HEATR5A: variants seen among roughly 807,000 people sequenced by gnomAD.
HEATR5A encodes the protein HEAT repeat containing 5A.
HEATR5A carries 178 observed loss-of-function variants against 218.8 expected under a neutral mutation model. The ratio of observed to expected loss-of-function variants is 0.81; its 90% CI spans 0.72 to 0.92. The LOEUF is 0.92. HEATR5A is among the 40% of genes least tolerant of loss of function. The pLI, the probability that HEATR5A is intolerant of heterozygous loss-of-function variation, is 0.00. For synonymous variants in HEATR5A, 864 were observed against 871.6 expected (o/e 0.99, Z 0.15); for missense variants, 2,420 against 2,418.9 (o/e 1.00, Z -0.01).
chr14:31,400,072 T>A (rs2030813916), intron 3 of HEATR5A, among the ~76,000 whole-genome samples: 1 of 152,222 alleles, frequency 6.6e-6, no homozygotes, highest in South Asian at 2.1e-4. Flanking sequence ...TTTAGGAAGA[T>A]GTTTTGAATC....
chr14:31,336,213 CATACATATATATATATAT>C (rs374968507), intron 22 of HEATR5A, among the ~76,000 whole-genome samples: 3,365 of 90,704 alleles, frequency 0.037, 211 homozygotes, highest in South Asian at 0.074. Flanking sequence ...TATATACATA[CATACATATATATATATAT>C]ATATATATAT....
chr14:31,362,215 T>C (rs1901642196), intron 14 of HEATR5A, among the ~76,000 whole-genome samples: 1 of 152,058 alleles, frequency 6.6e-6, no homozygotes, highest in South Asian at 2.1e-4. Flanking sequence ...ATGATCCATT[T>C]GTCTTAGCCT....
intron 13 of HEATR5A, 22 bp from the exon 14 acceptor site, chr14:31,364,320 TA>T: frequency 3.2e-6 from 4 of 1,230,924 alleles, no homozygotes; most frequent in Non-Finnish European, 4.6e-6. Flanking sequence ...AGAAAAAGTG[TA>T]TCTTAAGTGG....
intron 21 of HEATR5A, among the ~76,000 whole-genome samples, chr14:31,342,217 T>C (rs973806051): frequency 6.6e-6 from 1 of 151,962 alleles, no homozygotes; most frequent in African/African-American, 2.4e-5. Context: ...CAAGACCCTG[T>C]CTCTACAAAA....
At chr14:31,393,961 T>C in intron 6 of HEATR5A, 91 bp downstream of exon 6, 1 of 882,888 alleles carries the variant, frequency 1.1e-6, no homozygotes, top group Non-Finnish European at 1.7e-6. Flanking sequence ...AATTGATTTA[T>C]AACGGGTAGC....
chr14:31,383,104 T>C (rs904373922), intron 10 of HEATR5A, among the ~76,000 whole-genome samples: 1 of 152,112 alleles, frequency 6.6e-6, no homozygotes, highest in Non-Finnish European at 1.5e-5. Context: ...AAGGAGGATG[T>C]AAGTATTTTC....
At chr14:31,352,977 A>AAAATAC (rs1175950257) in intron 16 of HEATR5A, among the ~76,000 whole-genome samples, 1 of 151,728 alleles carries the variant, frequency 6.6e-6, no homozygotes, top group East Asian at 1.9e-4. Flanking sequence ...AATAAAAATA[A>AAAATAC]AAATAAAAAT....
chr14:31,319,589 A>G (rs74043920), intron 25 of HEATR5A, among the ~76,000 whole-genome samples: 611 of 152,332 alleles, frequency 4.0e-3, no homozygotes, highest in African/African-American at 0.014. Flanking sequence ...ACTGCTAGCC[A>G]TCAGAAGTTG....
At chr14:31,376,363 G>C (rs1902228181) in intron 11 of HEATR5A, among the ~76,000 whole-genome samples, 1 of 152,132 alleles carries the variant, frequency 6.6e-6, no homozygotes, top group East Asian at 1.9e-4. Flanking sequence ...AAAGTAAAAA[G>C]TTAGTTGGGT....
intron 13 of HEATR5A, among the ~76,000 whole-genome samples, chr14:31,370,577 C>T (rs547329744): frequency 1.2e-3 from 178 of 152,244 alleles, no homozygotes; most frequent in Middle Eastern, 6.8e-3. Flanking sequence ...TTTAGCATAG[C>T]AATTTCACTA....
chr14:31,345,306 C>T (rs1477471518), intron 19 of HEATR5A, 30 bp from the exon 20 acceptor site: 1 of 1,470,570 alleles, frequency 6.8e-7, no homozygotes, highest in South Asian at 1.2e-5. Context: ...CAATTAAAAA[C>T]ATTACAGCAG....
chr14:31,411,748 G>A lies in HEATR5A; in HGVS notation c.-74-8699C>T, dbSNP rs76968223. Among the ~76,000 whole-genome samples, 492 of 152,144 alleles carry A rather than the reference G, an allele frequency of 3.2e-3. 4 individuals carry two copies. The highest frequency in any genetic ancestry group is 0.011 in the African/African-American group (464 of 41,492). ...CCCTTTTTCTTTTTTTCCCAGCCAG[G>A]AATCTCATAGAATTGGTGTTCTATA... On this transcript the variant is annotated intron_variant, in intron 1 of 35. Coordinates refer to ENST00000543095, the MANE Select transcript of HEATR5A (RefSeq NM_015473.4).
chr14:31,348,469 G>A (rs1566763344), intron 18 of HEATR5A, among the ~76,000 whole-genome samples: 1 of 152,138 alleles, frequency 6.6e-6, no homozygotes, highest in Non-Finnish European at 1.5e-5. Context: ...TGTAGTCCCA[G>A]TCACTCGGGA....
chr14:31,308,092 A>ACCAAAATATAAGAT, intron 29 of HEATR5A, 72 bp from the exon 30 acceptor site: 1 of 1,386,382 alleles, frequency 7.2e-7, no homozygotes, highest in Non-Finnish European at 9.7e-7. Flanking sequence ...AATTAATCTT[A>ACCAAAATATAAGAT]TATTTTGGTA....
At chr14:31,320,363 C>T in intron 25 of HEATR5A, 1 of 903,354 alleles carries the variant, frequency 1.1e-6, no homozygotes, top group Non-Finnish European at 1.9e-6. Flanking sequence ...AATCAAGCTG[C>T]CAAACACCGC....
intron 13 of HEATR5A, among the ~76,000 whole-genome samples, chr14:31,368,559 G>T (rs1901890097): frequency 6.6e-6 from 1 of 151,888 alleles, no homozygotes. Flanking sequence ...TGGAACTGGG[G>T]TCTCACTCTG....
intron 28 of HEATR5A, among the ~76,000 whole-genome samples, chr14:31,310,171 G>A (rs1025702138): frequency 6.6e-5 from 10 of 151,524 alleles, no homozygotes; most frequent in African/African-American, 1.5e-4. Flanking sequence ...GTGTTTAAAC[G>A]TTTACTTAAA....
At chr14:31,419,704 C>A (rs1274547201) in intron 1 of HEATR5A, among the ~76,000 whole-genome samples, 1 of 152,190 alleles carries the variant, frequency 6.6e-6, no homozygotes, top group Non-Finnish European at 1.5e-5. Flanking sequence ...AAAATTATCC[C>A]AACTTGCCAG....
Position 31,391,140 on chromosome 14 carries a change from A to G in HEATR5A, c.773-2135T>C, listed in dbSNP as rs1444687470. Among the ~76,000 whole-genome samples the G allele has an allele frequency of 2.0e-5, 3 of 152,210 alleles. No individual in the cohort carries two copies. In the East Asian group the frequency reaches 5.8e-4, roughly 29 times the overall value. On this transcript the variant is annotated intron_variant, in intron 6 of 35. Coordinates refer to ENST00000543095, the MANE Select transcript of HEATR5A (RefSeq NM_015473.4). ...GAAAATATTTTTGTAGAGCTGTACAATGTATCTACGTTTTAAGCTAAATGT... is the reference window on the plus strand; with the variant it reads ...GAAAATATTTTTGTAGAGCTGTACAGTGTATCTACGTTTTAAGCTAAATGT...
Sources: allele counts gnomAD v4.1 joint callset (sites outside exome capture counted in the v4.1 genomes callset), GRCh38; gene constraint gnomAD v4.1.1; transcripts MANE v1.5; gene names NCBI Gene and HGNC (gene_info 2026-07-23, HGNC 2026-07-21).